WNT3: variants seen among roughly 807,000 people sequenced by gnomAD.
The protein encoded by WNT3 is proto-oncogene Wnt-3.
Under a neutral mutation model 34.2 loss-of-function variants are expected in WNT3, and 7 were observed. The ratio of observed to expected loss-of-function variants is 0.20; its 90% CI spans 0.12 to 0.38. The LOEUF (loss-of-function observed/expected upper bound fraction) is 0.38. Ranked by LOEUF, WNT3 falls within the 10% of genes least tolerant of loss-of-function variation. The pLI, the probability that WNT3 is intolerant of heterozygous loss-of-function variation, is 1.00. For missense variants in WNT3, 267 were observed against 499.8 expected (o/e 0.53, Z 4.44); for synonymous variants, 212 against 211.5 (o/e 1.00, Z -0.02).
At chr17:46,817,937 A>G (rs574109061) in intron 1 of WNT3, among the ~76,000 whole-genome samples, 2 of 152,220 alleles carry the variant, frequency 1.3e-5, no homozygotes, top group South Asian at 4.2e-4. Flanking sequence ...CAGAGGCTCA[A>G]GATGAATCTA....
chr17:46,801,240 G>A (rs2084121000), intron 1 of WNT3, among the ~76,000 whole-genome samples: 1 of 152,330 alleles, frequency 6.6e-6, no homozygotes, highest in African/African-American at 2.4e-5. Context: ...AGAGGAGCGG[G>A]TGCAGGGCGG....
intron 1 of WNT3, among the ~76,000 whole-genome samples, chr17:46,777,303 G>A (rs1247252986): frequency 6.6e-6 from 1 of 152,294 alleles, no homozygotes; most frequent in Non-Finnish European, 1.5e-5. Flanking sequence ...AGCCAGGCCG[G>A]CTGGCTTGGG....
chr17:46,818,445 C>T (rs1352604523), intron 1 of WNT3, 73 bp downstream of exon 1: 3 of 1,493,104 alleles, frequency 2.0e-6, no homozygotes, highest in Admixed American at 2.0e-5. Flanking sequence ...CGGCCCACCC[C>T]CAGCCGGCGC....
intron 1 of WNT3, among the ~76,000 whole-genome samples, chr17:46,774,789 TAC>T (rs2059401065): frequency 1.3e-5 from 2 of 152,196 alleles, no homozygotes; most frequent in African/African-American, 4.8e-5. Flanking sequence ...AGGTAGGAAT[TAC>T]GACTTTTCCG....
At chr17:46,786,473 C>G (rs943858730) in intron 1 of WNT3, among the ~76,000 whole-genome samples, 22 of 152,226 alleles carry the variant, frequency 1.4e-4, no homozygotes, top group African/African-American at 5.3e-4. Context: ...AGGCAGGGAC[C>G]TCACTCTTCA....
At chr17:46,770,184 G>A (rs1440990427) in intron 2 of WNT3, 136 bp from the exon 3 acceptor site, 3 of 1,230,450 alleles carry the variant, frequency 2.4e-6, no homozygotes, top group Admixed American at 2.9e-5. Flanking sequence ...GAGGCAAGAG[G>A]GAGGCAGCTT....
rs768344495 is a variant in WNT3, at chr17:46,769,940, T to G, written c.431A>C (p.His144Pro). ...GCCTTCGCCAGGCGGCCCCTTATGA[T>G]GCGAGTCACAGCCGCAAATGGTGGA... ...GTSTICGCDSHHKGPPGEGWK... is the reference protein window; with the variant it reads ...GTSTICGCDSPHKGPPGEGWK... Residue 144 changes from histidine to proline, a missense_variant, in exon 3 of 5, where the codon CAT (histidine) becomes CCT (proline). His to Pro is a moderately conservative substitution (Grantham distance 77). Coordinates refer to ENST00000225512, the MANE Select transcript of WNT3 (RefSeq NM_030753.5). The G allele has an allele frequency of 6.2e-7, 1 of 1,613,250 alleles. No individual in the cohort carries two copies. The highest frequency in any genetic ancestry group is 8.5e-7 in the Non-Finnish European group (1 of 1,179,836).
intron 1 of WNT3, among the ~76,000 whole-genome samples, chr17:46,788,840 C>G (rs1465526854): frequency 6.6e-6 from 1 of 152,212 alleles, no homozygotes. Context: ...ATCCCACAGG[C>G]TGTCTCCACG....
intron 1 of WNT3, among the ~76,000 whole-genome samples, chr17:46,784,487 G>A (rs1447717189): frequency 6.6e-6 from 1 of 152,136 alleles, no homozygotes; most frequent in African/African-American, 2.4e-5. Flanking sequence ...TGAGCGTCAC[G>A]GTGGGAGCAT....
At chr17:46,805,880 T>C (rs2084187954) in intron 1 of WNT3, among the ~76,000 whole-genome samples, 1 of 152,220 alleles carries the variant, frequency 6.6e-6, no homozygotes, top group Admixed American at 6.5e-5. Flanking sequence ...GTGGTGTCAC[T>C]GAAGGGCCTG....
chr17:46,795,924 A>C (rs1363359188), intron 1 of WNT3, among the ~76,000 whole-genome samples: 2 of 151,750 alleles, frequency 1.3e-5, no homozygotes, highest in African/African-American at 2.4e-5. Flanking sequence ...GTGTGCACAC[A>C]TGTTAAATTC....
At chr17:46,804,789 G>A (rs541049184) in intron 1 of WNT3, among the ~76,000 whole-genome samples, 137 of 152,222 alleles carry the variant, frequency 9.0e-4, no homozygotes, top group Non-Finnish European at 1.5e-3. Context: ...TGCTCTGTAA[G>A]AATGCACCAA....
chr17:46,814,019 C>A (rs2146469450), intron 1 of WNT3, among the ~76,000 whole-genome samples: 1 of 152,314 alleles, frequency 6.6e-6, no homozygotes, highest in South Asian at 2.1e-4. Flanking sequence ...CAAGCACCTC[C>A]TAAAGGACTT....
At chr17:46,773,597 G>T (rs1376239047) in intron 2 of WNT3, 71 bp downstream of exon 2, 12 of 1,467,498 alleles carry the variant, frequency 8.2e-6, no homozygotes, top group Non-Finnish European at 1.1e-5. Flanking sequence ...CCTGACTGGG[G>T]TGGAAGGGCA....
chr17:46,778,095 G>A (rs1257202929), intron 1 of WNT3, among the ~76,000 whole-genome samples: 1 of 152,232 alleles, frequency 6.6e-6, no homozygotes, highest in East Asian at 1.9e-4. Context: ...GGGAGCCCTT[G>A]CTAGATGGTG....
intron 2 of WNT3, 45 bp downstream of exon 2, chr17:46,773,623 T>TTCCCC: frequency 2.3e-5 from 9 of 383,488 alleles, no homozygotes; most frequent in Admixed American, 6.4e-5. Flanking sequence ...TCCTGATCCC[T>TTCCCC]CCCCCCACCC....
chr17:46,773,230 T>C (rs980951713), intron 2 of WNT3, among the ~76,000 whole-genome samples: 21 of 152,190 alleles, frequency 1.4e-4, no homozygotes, highest in African/African-American at 5.1e-4. Flanking sequence ...AGAGGGGCTC[T>C]TGGGGGCAAC....
intron 1 of WNT3, among the ~76,000 whole-genome samples, chr17:46,815,685 G>C (rs902656618): frequency 2.6e-5 from 4 of 152,136 alleles, no homozygotes; most frequent in African/African-American, 9.7e-5. Context: ...CAACCTCAGA[G>C]AGAAGGGCCA....
At chr17:46,817,038 G>C (rs1425519951) in intron 1 of WNT3, among the ~76,000 whole-genome samples, 1 of 152,186 alleles carries the variant, frequency 6.6e-6, no homozygotes, top group African/African-American at 2.4e-5. Context: ...TGTGGGTTGG[G>C]CAGAAGAAAG....
Sources: allele counts gnomAD v4.1 joint callset (sites outside exome capture counted in the v4.1 genomes callset), GRCh38; gene constraint gnomAD v4.1.1; transcripts MANE v1.5; gene names NCBI Gene and HGNC (gene_info 2026-07-23, HGNC 2026-07-21).